CTNNA2: variants seen among roughly 807,000 people sequenced by gnomAD.
The protein encoded by CTNNA2 is catenin alpha-2.
Under a neutral mutation model 101.0 loss-of-function variants are expected in CTNNA2, and 42 were observed. The observed-to-expected ratio is 0.42, with a 90% confidence interval of 0.32 to 0.54. The LOEUF (loss-of-function observed/expected upper bound fraction) is 0.54, where lower values mean the gene tolerates loss of function less well. Ranked by LOEUF, CTNNA2 falls within the 20% of genes least tolerant of loss-of-function variation. The pLI is 0.14. For synonymous variants in CTNNA2, 450 were observed against 456.4 expected (o/e 0.99, Z 0.18); for missense variants, 871 against 1,223.1 (o/e 0.71, Z 4.29).
rs191245909 is a variant in CTNNA2 at position 80,618,741 on chromosome 2, C to T, written c.2431-344C>T. Reference sequence around the variant, plus strand: ...TTAAGAGCTGCAGCCCTTGCCTTCTCTCTTGGTGATCTTCAACACTTTAAA... The same window carrying T: ...TTAAGAGCTGCAGCCCTTGCCTTCTTTCTTGGTGATCTTCAACACTTTAAA... On this transcript the variant is annotated intron_variant, in intron 17 of 18. Coordinates refer to ENST00000402739, the MANE Select transcript of CTNNA2 (RefSeq NM_001282597.3). 2.5e-3 allele frequency: 409 copies of T among 163,684 alleles called. 1 individual carries two copies. The highest frequency in any genetic ancestry group is 9.0e-3 in the African/African-American group (381 of 42,120). 10.1% of individuals were successfully genotyped at this position (163,684 alleles called of 1,614,324 possible). A position where few individuals can be genotyped will look rare whatever the true frequency, so the allele number is the denominator to read the frequency against.
Position 79,424,915 on chromosome 2 carries a change from T to A in CTNNA2, c.-135+50902T>A, listed in dbSNP as rs893570469. Among the ~76,000 whole-genome samples the A allele has an allele frequency of 1.0e-3, 155 of 152,172 alleles. 3 individuals carry two copies. Among genetic ancestry groups the A allele is most frequent in the Non-Finnish European group, 7.4e-5 (5 of 68,026 alleles). Reference sequence around the variant, plus strand: ...AAATGGAAATGGATGGATGAATTGGTCAGCTTTAGTGAAATGTGAACTGTA... The same window carrying A: ...AAATGGAAATGGATGGATGAATTGGACAGCTTTAGTGAAATGTGAACTGTA... On this transcript the variant is annotated intron_variant, in intron 4 of 21. Coordinates refer to the CTNNA2 transcript ENST00000466387.
intron 7 of CTNNA2, among the ~76,000 whole-genome samples, chr2:80,332,108 C>T (rs1671385723): frequency 6.6e-6 from 1 of 152,072 alleles, no homozygotes; most frequent in Admixed American, 6.6e-5. Context: ...ATGAAACAAG[C>T]AGGAATGACA....
At chr2:80,318,639 C>T (rs909320418) in intron 7 of CTNNA2, among the ~76,000 whole-genome samples, 3 of 152,048 alleles carry the variant, frequency 2.0e-5, no homozygotes, top group Admixed American at 6.6e-5. Flanking sequence ...GTTTCAAAGG[C>T]GTTTATTTTT....
chr2:79,702,004 A>C (rs1020616142), intron 2 of CTNNA2, among the ~76,000 whole-genome samples: 5 of 149,146 alleles, frequency 3.4e-5, no homozygotes, highest in African/African-American at 4.9e-5. Flanking sequence ...TCTCAAAAAA[A>C]AAAAAAAAAA....
At chr2:79,264,721 T>G (rs577813724) in intron 2 of CTNNA2, among the ~76,000 whole-genome samples, 1 of 129,382 alleles carries the variant, frequency 7.7e-6, no homozygotes, top group South Asian at 2.6e-4. Context: ...ACTTTTTATC[T>G]TGCTGCAACC....
At chr2:79,558,228 T>C (rs1475653105) in intron 1 of CTNNA2, among the ~76,000 whole-genome samples, 1 of 151,960 alleles carries the variant, frequency 6.6e-6, no homozygotes, top group African/African-American at 2.4e-5. Context: ...GAACATGATA[T>C]CTTTTTACAG....
intron 9 of CTNNA2, among the ~76,000 whole-genome samples, chr2:80,443,651 G>C (rs1682804113): frequency 6.6e-6 from 1 of 152,180 alleles, no homozygotes; most frequent in Non-Finnish European, 1.5e-5. Context: ...TCGTTAATTA[G>C]CAGTGAAACC....
intron 7 of CTNNA2, among the ~76,000 whole-genome samples, chr2:80,345,722 A>G (rs991560085): frequency 2.0e-5 from 3 of 152,180 alleles, no homozygotes; most frequent in African/African-American, 7.2e-5. Flanking sequence ...CAGACTATGA[A>G]CTATTTTAAA....
At position 79,611,367 on chromosome 2, in the gene CTNNA2, A is replaced by G. The variant is rs191351160; in HGVS notation, c.-5-40185A>G. 2.9e-3 allele frequency among the ~76,000 whole-genome samples: 446 copies of G among 152,274 alleles called. 2 individuals are homozygous for G. Among genetic ancestry groups the G allele is most frequent in the Non-Finnish European group, 4.8e-3 (329 of 68,020 alleles). On this transcript the variant is annotated intron_variant, in intron 1 of 18. Transcript: ENST00000402739. ...TCACTTTTAGTAGTCATCCAGCTCTACAAGGAAGCCAACCTACCTGTGCAA... is the reference window on the plus strand; with the variant it reads ...TCACTTTTAGTAGTCATCCAGCTCTGCAAGGAAGCCAACCTACCTGTGCAA...
At chr2:79,557,679 T>C (rs1674529904) in intron 1 of CTNNA2, among the ~76,000 whole-genome samples, 1 of 151,918 alleles carries the variant, frequency 6.6e-6, no homozygotes, top group Non-Finnish European at 1.5e-5. Context: ...TGACTCTGCT[T>C]ATGGTGGCAT....
intron 7 of CTNNA2, among the ~76,000 whole-genome samples, chr2:80,262,692 T>C (rs1672703855): frequency 6.6e-6 from 1 of 152,124 alleles, no homozygotes; most frequent in South Asian, 2.1e-4. Context: ...AGGGAGGCCT[T>C]TGAAAGGTTT....
chr2:80,021,413 T>C (rs1694556277), intron 7 of CTNNA2, among the ~76,000 whole-genome samples: 1 of 152,112 alleles, frequency 6.6e-6, no homozygotes, highest in East Asian at 1.9e-4. Flanking sequence ...CTGACTGCAT[T>C]ACCTGCTGAT....
intron 7 of CTNNA2, among the ~76,000 whole-genome samples, chr2:80,384,406 C>G (rs892831261): frequency 2.0e-5 from 3 of 150,058 alleles, no homozygotes; most frequent in Admixed American, 6.6e-5. Flanking sequence ...TGTGTATCCC[C>G]GAACCTCAAA....
chr2:79,461,257 G>C (rs976642715), intron 4 of CTNNA2, among the ~76,000 whole-genome samples: 9 of 152,202 alleles, frequency 5.9e-5, no homozygotes, highest in Non-Finnish European at 8.8e-5. Context: ...TAAGACACAA[G>C]AAATGTGCTT....
At chr2:79,827,202 C>A (rs1024869665) in intron 3 of CTNNA2, among the ~76,000 whole-genome samples, 4 of 152,034 alleles carry the variant, frequency 2.6e-5, no homozygotes, top group Admixed American at 2.6e-4. Context: ...CCACGCCCAA[C>A]TAATTTTTTT....
At chr2:79,937,133 A>G (rs1458943323) in intron 7 of CTNNA2, among the ~76,000 whole-genome samples, 1 of 152,090 alleles carries the variant, frequency 6.6e-6, no homozygotes, top group Non-Finnish European at 1.5e-5. Context: ...TTCTTATTCA[A>G]TTTCTTGTCA....
intron 14 of CTNNA2, among the ~76,000 whole-genome samples, chr2:80,588,792 C>G (rs1026802535): frequency 6.6e-5 from 10 of 152,184 alleles, no homozygotes; most frequent in African/African-American, 2.4e-4. Context: ...TTGGGCATCT[C>G]TCTGTAGACA....
intron 1 of CTNNA2, among the ~76,000 whole-genome samples, chr2:79,610,757 A>G (rs1678216039): frequency 6.6e-6 from 1 of 152,042 alleles, no homozygotes; most frequent in Non-Finnish European, 1.5e-5. Context: ...GCACAAGGAA[A>G]CCTTTGAGGG....
chr2:79,283,330 G>A (rs1298806175), intron 2 of CTNNA2, among the ~76,000 whole-genome samples: 3 of 108,062 alleles, frequency 2.8e-5, no homozygotes, highest in Non-Finnish European at 6.3e-5. Flanking sequence ...TGAAGTCCTT[G>A]CCCATGCCTA....
Sources: gnomAD v4.1 joint callset for allele counts (sites outside exome capture counted in the v4.1 genomes callset) on GRCh38, gnomAD v4.1.1 for gene constraint, MANE v1.5 for transcripts, NCBI Gene and HGNC (gene_info 2026-07-23, HGNC 2026-07-21) for gene names.